COL19A1: variants seen among roughly 807,000 people sequenced by gnomAD.
The protein encoded by COL19A1 is collagen alpha-1(XIX) chain.
In COL19A1, 159 loss-of-function variants were observed where a neutral mutation model predicts 190.2. That is an observed-to-expected ratio of 0.84 (90% CI 0.73 to 0.95). The LOEUF (loss-of-function observed/expected upper bound fraction) is 0.95. Ranked by LOEUF, COL19A1 falls within the 40% of genes least tolerant of loss-of-function variation. The pLI is 0.00. For synonymous variants in COL19A1, 509 were observed against 458.9 expected, an observed-to-expected ratio of 1.11 and a Z score of -1.39; for missense variants, 1,418 against 1,431.9, an observed-to-expected ratio of 0.99 and a Z score of 0.16.
At chr6:69,885,782 TC>T (rs1284707441) in intron 2 of COL19A1, among the ~76,000 whole-genome samples, 2 of 152,224 alleles carry the variant, frequency 1.3e-5, no homozygotes, top group Non-Finnish European at 2.9e-5. Flanking sequence ...TTAAGGTCTA[TC>T]TATGCTGTGG....
intron 16 of COL19A1, among the ~76,000 whole-genome samples, chr6:70,120,902 C>T (rs1202559852): frequency 6.6e-6 from 1 of 152,152 alleles, no homozygotes; most frequent in Non-Finnish European, 1.5e-5. Context: ...GTGCAGCTAA[C>T]GATTGCTTCT....
chr6:70,043,193 C>CTTT (rs548148887), intron 14 of COL19A1, among the ~76,000 whole-genome samples: 15 of 145,340 alleles, frequency 1.0e-4, no homozygotes, highest in African/African-American at 3.1e-4. Flanking sequence ...ATTTCTTCTT[C>CTTT]TTTTTTTTTT....
chr6:70,161,510 G>A (rs1261561698), intron 34 of COL19A1, among the ~76,000 whole-genome samples: 2 of 152,112 alleles, frequency 1.3e-5, no homozygotes, highest in Non-Finnish European at 2.9e-5. Context: ...TTATAAGTGA[G>A]GGCTAAGCTA....
At chr6:70,139,565 AG>A (rs2150232580) in intron 19 of COL19A1, among the ~76,000 whole-genome samples, 1 of 152,178 alleles carries the variant, frequency 6.6e-6, no homozygotes, top group African/African-American at 2.4e-5. Flanking sequence ...TACGGAGAGC[AG>A]TTTAGCTTTT....
At chr6:69,902,409 T>A (rs77045716) in intron 4 of COL19A1, among the ~76,000 whole-genome samples, 3,476 of 152,222 alleles carry the variant, frequency 0.023, 132 homozygotes, top group African/African-American at 0.077. Context: ...AGTATGTTGG[T>A]CTGATACCTG....
At chr6:70,025,670 C>G (rs565169583) in intron 12 of COL19A1, among the ~76,000 whole-genome samples, 3 of 152,314 alleles carry the variant, frequency 2.0e-5, no homozygotes, top group African/African-American at 7.2e-5. Context: ...CTATTACACT[C>G]TCCGTGAAAG....
At chr6:69,923,914 T>C (rs1772176998) in intron 4 of COL19A1, among the ~76,000 whole-genome samples, 1 of 152,186 alleles carries the variant, frequency 6.6e-6, no homozygotes, top group African/African-American at 2.4e-5. Context: ...CAATCATTAG[T>C]TGACTACTAA....
At chr6:70,058,324 A>G (rs1313092391) in intron 14 of COL19A1, among the ~76,000 whole-genome samples, 1 of 152,028 alleles carries the variant, frequency 6.6e-6, no homozygotes, top group Non-Finnish European at 1.5e-5. Flanking sequence ...TGTAACCTCT[A>G]ATTTTTAAAT....
At chr6:70,092,919 C>T (rs1343313492) in intron 15 of COL19A1, among the ~76,000 whole-genome samples, 4 of 152,138 alleles carry the variant, frequency 2.6e-5, no homozygotes, top group Non-Finnish European at 5.9e-5. Context: ...TCCTGTTTCA[C>T]GGGCTTAGCC....
chr6:69,891,203 C>CA (rs776456756), intron 2 of COL19A1: 10,986 of 104,950 alleles, frequency 0.1, 1,110 homozygotes, highest in African/African-American at 0.29. Context: ...ACCCAGCTAG[C>CA]AAAAAAAAAA....
intron 9 of COL19A1, among the ~76,000 whole-genome samples, chr6:69,943,766 G>T (rs976509917): frequency 5.9e-5 from 9 of 152,096 alleles, no homozygotes; most frequent in Non-Finnish European, 1.3e-4. Context: ...TGTGACTGTT[G>T]ATGACAATCT....
chr6:69,899,269 A>G (rs1206569401), intron 3 of COL19A1, among the ~76,000 whole-genome samples: 1 of 151,560 alleles, frequency 6.6e-6, no homozygotes, highest in African/African-American at 2.4e-5. Flanking sequence ...GGTACGAGCA[A>G]TTCTCCTGCC....
intron 26 of COL19A1, 43 bp from the exon 27 acceptor site, chr6:70,146,768 AT>A: frequency 6.3e-7 from 1 of 1,591,002 alleles, no homozygotes; most frequent in South Asian, 1.2e-5. Flanking sequence ...AGAAAAATGT[AT>A]GTCTCTTGAG....
intron 2 of COL19A1, among the ~76,000 whole-genome samples, chr6:69,882,401 A>C (rs1768621869): frequency 6.6e-6 from 1 of 152,224 alleles, no homozygotes; most frequent in Non-Finnish European, 1.5e-5. Context: ...GTTACTTGTC[A>C]AAAGAAGGTG....
At chr6:69,944,447 C>T (rs1322881147) in intron 9 of COL19A1, among the ~76,000 whole-genome samples, 1 of 152,096 alleles carries the variant, frequency 6.6e-6, no homozygotes, top group Admixed American at 6.6e-5. Flanking sequence ...GTTCTCCTTC[C>T]TAATTGCCCA....
At chr6:70,131,522 G>A (rs1785519083) in intron 18 of COL19A1, among the ~76,000 whole-genome samples, 1 of 152,142 alleles carries the variant, frequency 6.6e-6, no homozygotes, top group African/African-American at 2.4e-5. Context: ...TGATTATACA[G>A]CAATGATAAG....
chr6:69,959,423 T>G (rs1774635117), intron 9 of COL19A1, among the ~76,000 whole-genome samples: 1 of 152,284 alleles, frequency 6.6e-6, no homozygotes, highest in Middle Eastern at 3.4e-3. Context: ...ATTCCGATTT[T>G]AGGCAAGAAG....
intron 31 of COL19A1, among the ~76,000 whole-genome samples, chr6:70,155,090 T>C (rs545155432): frequency 6.6e-6 from 1 of 152,272 alleles, no homozygotes; most frequent in African/African-American, 2.4e-5. Context: ...TGTAAGCTTT[T>C]CAGTATCGTG....
intron 2 of COL19A1, among the ~76,000 whole-genome samples, chr6:69,881,182 A>G (rs929228483): frequency 2.0e-5 from 3 of 152,200 alleles, no homozygotes; most frequent in African/African-American, 7.2e-5. Context: ...AACAAGCTCC[A>G]CAGATGAATC....
Sources: allele counts gnomAD v4.1 joint callset (sites outside exome capture counted in the v4.1 genomes callset), GRCh38; gene constraint gnomAD v4.1.1; transcripts MANE v1.5; gene names NCBI Gene and HGNC (gene_info 2026-07-23, HGNC 2026-07-21).